BCL2L13: variants seen among roughly 807,000 people sequenced by gnomAD.
The protein encoded by BCL2L13 is bcl-2-like protein 13.
A neutral mutation model predicts 25.8 loss-of-function variants in BCL2L13; 13 were observed. That is an observed-to-expected ratio of 0.50 (90% CI 0.33 to 0.80). BCL2L13 has a LOEUF of 0.80. Ranked by LOEUF, BCL2L13 falls within the 30% of genes least tolerant of loss-of-function variation. BCL2L13 has a pLI of 0.02. For synonymous variants in BCL2L13, 244 were observed against 230.3 expected (o/e 1.06, Z -0.54); for missense variants, 504 against 574.9 (o/e 0.88, Z 1.26).
intron 1 of BCL2L13, among the ~76,000 whole-genome samples, chr22:17,653,495 ATTTT>A (rs34652783): frequency 2.7e-5 from 3 of 110,708 alleles, no homozygotes; most frequent in Admixed American, 9.7e-5. Context: ...CTCCAGTATG[ATTTT>A]TTTTTTTTTT....
chr22:17,682,258 G>A (rs2059778317), intron 2 of BCL2L13, among the ~76,000 whole-genome samples: 1 of 152,148 alleles, frequency 6.6e-6, no homozygotes, highest in African/African-American at 2.4e-5. Flanking sequence ...TAATGTGATT[G>A]GTACAAAGAA....
At chr22:17,664,542 A>C (rs540535773) in intron 2 of BCL2L13, among the ~76,000 whole-genome samples, 2 of 152,222 alleles carry the variant, frequency 1.3e-5, no homozygotes, top group East Asian at 3.9e-4. Flanking sequence ...TCACAGCTCC[A>C]CTAGGCAGTG....
intron 1 of BCL2L13, among the ~76,000 whole-genome samples, chr22:17,647,038 A>G (rs1291638868): frequency 1.4e-5 from 2 of 141,462 alleles, no homozygotes; most frequent in African/African-American, 2.6e-5. Context: ...CAGTGGCACA[A>G]TCTTGGCTAA....
At chr22:17,646,540 C>T (rs1287925765) in intron 1 of BCL2L13, among the ~76,000 whole-genome samples, 2 of 150,812 alleles carry the variant, frequency 1.3e-5, no homozygotes, top group African/African-American at 5.0e-5. Flanking sequence ...TGAGCCACTG[C>T]GCCTGGCCAA....
chr22:17,638,959 A>T, intron 1 of BCL2L13, 73 bp downstream of exon 1: 1 of 1,176,618 alleles, frequency 8.5e-7, no homozygotes, highest in Non-Finnish European at 1.1e-6. Context: ...GAAAGTGCCC[A>T]GAGACCGTAT....
intron 2 of BCL2L13, among the ~76,000 whole-genome samples, chr22:17,661,004 C>G (rs1039310178): frequency 1.4e-5 from 2 of 145,584 alleles, no homozygotes; most frequent in African/African-American, 4.9e-5. Flanking sequence ...GTCTTGAACT[C>G]CTGAGCTCAG....
At chr22:17,680,914 G>C (rs994805509) in intron 2 of BCL2L13, among the ~76,000 whole-genome samples, 1 of 152,120 alleles carries the variant, frequency 6.6e-6, no homozygotes, top group Non-Finnish European at 1.5e-5. Context: ...GCGAGGTCTG[G>C]TCAGCAGGTA....
intron 2 of BCL2L13, among the ~76,000 whole-genome samples, chr22:17,670,594 A>T (rs1173933322): frequency 6.6e-6 from 1 of 151,906 alleles, no homozygotes; most frequent in Non-Finnish European, 1.5e-5. Context: ...GGCTGGTCTC[A>T]AGCCCCCGAC....
At chr22:17,636,789 G>C (rs2058114953), upstream of BCL2L13, among the ~76,000 whole-genome samples, 1 of 151,986 alleles carries the variant, frequency 6.6e-6, no homozygotes, top group Non-Finnish European at 1.5e-5. Flanking sequence ...GCAAGACTCT[G>C]TCTCGAGAAA....
chr22:17,722,404 T>TGTGTGTGTGCGTGC (rs1569017605), intron 6 of BCL2L13, among the ~76,000 whole-genome samples: 23 of 151,652 alleles, frequency 1.5e-4, no homozygotes, highest in African/African-American at 5.3e-4. Context: ...TGTGTGTGTG[T>TGTGTGTGTGCGTGC]GTGTGTGTGT....
At chr22:17,650,176 T>G (rs970753354) in intron 1 of BCL2L13, among the ~76,000 whole-genome samples, 1 of 152,162 alleles carries the variant, frequency 6.6e-6, no homozygotes, top group Non-Finnish European at 1.5e-5. Flanking sequence ...GGCTGACTCT[T>G]CTTATTTTCA....
chr22:17,716,038 T>TAG (rs2060937163), intron 6 of BCL2L13, among the ~76,000 whole-genome samples: 1 of 152,224 alleles, frequency 6.6e-6, no homozygotes. Context: ...TTAAAGCATG[T>TAG]TTTCTCCCTT....
At chr22:17,721,165 G>A (rs1413476844) in intron 6 of BCL2L13, among the ~76,000 whole-genome samples, 3 of 104,208 alleles carry the variant, frequency 2.9e-5, no homozygotes, top group Non-Finnish European at 5.9e-5. Context: ...GCGAGACTCC[G>A]TCTCAAAAAA....
chr22:17,703,229 G>A (rs1359835127), intron 6 of BCL2L13: 2 of 152,036 alleles, frequency 1.3e-5, no homozygotes, highest in African/African-American at 4.8e-5. Context: ...TTTTATGTAT[G>A]TTTCAGAACA....
At chr22:17,656,715 A>C (rs2058880950) in intron 2 of BCL2L13, among the ~76,000 whole-genome samples, 1 of 151,816 alleles carries the variant, frequency 6.6e-6, no homozygotes, top group South Asian at 2.1e-4. Flanking sequence ...CATTTTTTCG[A>C]TACTTCACAA....
chr22:17,713,078 G>A (rs755335660), intron 6 of BCL2L13, among the ~76,000 whole-genome samples: 1 of 152,128 alleles, frequency 6.6e-6, no homozygotes, highest in Non-Finnish European at 1.5e-5. Flanking sequence ...CAGATATAAT[G>A]CCTGGGTCCT....
At chr22:17,691,214 C>G (rs2060093797) in intron 4 of BCL2L13, among the ~76,000 whole-genome samples, 1 of 152,042 alleles carries the variant, frequency 6.6e-6, no homozygotes, top group African/African-American at 2.4e-5. Flanking sequence ...CGTGTACTTT[C>G]ATATATTTTA....
intron 6 of BCL2L13, among the ~76,000 whole-genome samples, chr22:17,723,047 C>T (rs886123435): frequency 2.6e-5 from 4 of 152,166 alleles, no homozygotes; most frequent in Non-Finnish European, 4.4e-5. Context: ...AAAAATGATG[C>T]TAATGAAAAT....
Position 17,668,604 on chromosome 22 carries a change from C to T in BCL2L13, c.121+12772C>T, listed in dbSNP as rs571615863. 8.6e-5 allele frequency among the ~76,000 whole-genome samples: 13 copies of T among 151,894 alleles called. No homozygotes were observed. The East Asian group carries it at 2.2e-3, about 25-fold the overall frequency. On this transcript the variant is annotated intron_variant, in intron 2 of 6. Transcript: ENST00000317582. ...AAGTAGCTGGGATTACAGGCATGCACCACAGGCGTGCACCACGATGCCTGG... is the reference window on the plus strand; with the variant it reads ...AAGTAGCTGGGATTACAGGCATGCATCACAGGCGTGCACCACGATGCCTGG...
Sources: allele counts gnomAD v4.1 joint callset (sites outside exome capture counted in the v4.1 genomes callset), GRCh38; gene constraint gnomAD v4.1.1; transcripts MANE v1.5; gene names NCBI Gene and HGNC (gene_info 2026-07-23, HGNC 2026-07-21).